Variants in SAE1 observed in about 807,000 individuals in gnomAD.
The protein encoded by SAE1 is SUMO1 activating enzyme subunit 1, also known as SUMO-activating enzyme subunit 1.
SAE1 carries 11 observed loss-of-function variants against 40.6 expected under a neutral mutation model. The observed-to-expected ratio is 0.27, with a 90% CI of 0.17 to 0.45. The LOEUF is 0.45. SAE1 is among the 20% of genes least tolerant of loss of function. The probability of loss-of-function intolerance (pLI) is 1.00; values close to 1 mark genes in which losing one functional copy is unlikely to be tolerated. For missense variants in SAE1, 373 were observed against 427.3 expected (o/e 0.87, Z 1.12); for synonymous variants, 155 against 154.3 (o/e 1.00, Z -0.03).
In SAE1 at chr19:47,175,945, G is replaced by A. The variant is rs374007070; in HGVS notation, c.733+6022G>A. On this transcript the variant is annotated intron_variant, in intron 6 of 8. Transcript: ENST00000270225. ...TTTGAATTGTATTTCTGTTAGATAA[G>A]CATCATAGTAAAAAGTCTTCAAAGT... Among the ~76,000 whole-genome samples, 17 of 152,256 alleles carry A rather than the reference G, an allele frequency of 1.1e-4. No individual in the cohort carries two copies. In the South Asian group the frequency reaches 3.1e-3, roughly 28 times the overall value.
chr19:47,161,544 G>A (rs911208015), intron 5 of SAE1, among the ~76,000 whole-genome samples: 36 of 152,110 alleles, frequency 2.4e-4, no homozygotes, highest in Non-Finnish European at 8.8e-5. Context: ...CCTGGAAGGG[G>A]CAGATACAGC....
chr19:47,163,096 C>T lies in SAE1; in HGVS notation c.628-6722C>T, dbSNP rs115089680. On this transcript the variant is annotated intron_variant, in intron 5 of 8. Coordinates refer to ENST00000270225, the MANE Select transcript of SAE1 (RefSeq NM_005500.3). ...TCCTACTACCAAATGATAACTATAACCTTCCTTTCAGTATTTTTCTATGTA... is the reference window on the plus strand; with the variant it reads ...TCCTACTACCAAATGATAACTATAATCTTCCTTTCAGTATTTTTCTATGTA... Among the ~76,000 whole-genome samples, 562 of 151,952 alleles carry T rather than the reference C, an allele frequency of 3.7e-3. 2 individuals are homozygous for T. Among genetic ancestry groups the T allele is most frequent in the African/African-American group, 0.013 (527 of 41,456 alleles).
intron 8 of SAE1, among the ~76,000 whole-genome samples, chr19:47,206,217 G>A (rs1037544093): frequency 4.6e-5 from 7 of 152,132 alleles, no homozygotes; most frequent in African/African-American, 1.2e-4. Flanking sequence ...TGCATTCTTC[G>A]TTGCTGGGTG....
intron 2 of SAE1, among the ~76,000 whole-genome samples, chr19:47,144,846 T>C (rs2058245346): frequency 6.6e-6 from 1 of 152,166 alleles, no homozygotes; most frequent in African/African-American, 2.4e-5. Flanking sequence ...TTTGTGTGTT[T>C]TTGCGAGACG....
At chr19:47,139,352 AT>A (rs928548546) in intron 1 of SAE1, among the ~76,000 whole-genome samples, 3 of 150,768 alleles carry the variant, frequency 2.0e-5, no homozygotes, top group Non-Finnish European at 4.4e-5. Context: ...CACCCAGCTA[AT>A]TTTTTTTTGT....
chr19:47,153,167 T>C (rs1024470247), intron 4 of SAE1, 127 bp downstream of exon 4: 9 of 821,212 alleles, frequency 1.1e-5, no homozygotes, highest in Non-Finnish European at 1.6e-5. Context: ...GGTCTTGAAC[T>C]CCTGGGCTCA....
At chr19:47,143,083 G>A (rs1363089010) in intron 1 of SAE1, among the ~76,000 whole-genome samples, 2 of 152,174 alleles carry the variant, frequency 1.3e-5, no homozygotes, top group East Asian at 1.9e-4. Flanking sequence ...GAGGTGTGAT[G>A]CCTCAATGCA....
At chr19:47,188,022 C>CT (rs1352778675) in intron 6 of SAE1, among the ~76,000 whole-genome samples, 1 of 152,132 alleles carries the variant, frequency 6.6e-6, no homozygotes, top group African/African-American at 2.4e-5. Flanking sequence ...CAAGCCAGTC[C>CT]TTGTGCTAGT....
chr19:47,169,967 C>G (rs2058420791), intron 6 of SAE1, 44 bp downstream of exon 6: 2 of 1,430,088 alleles, frequency 1.4e-6, no homozygotes, highest in African/African-American at 1.4e-5. Flanking sequence ...GCTTTTGGCT[C>G]TGATTTCTGC....
intron 6 of SAE1, among the ~76,000 whole-genome samples, chr19:47,184,585 A>G (rs2058531974): frequency 6.6e-6 from 1 of 151,534 alleles, no homozygotes; most frequent in Non-Finnish European, 1.5e-5. Context: ...TAGTTTTTGT[A>G]TTTTTAGTAG....
intron 6 of SAE1, among the ~76,000 whole-genome samples, chr19:47,189,864 T>G (rs1156470868): frequency 2.6e-5 from 4 of 152,198 alleles, no homozygotes; most frequent in Admixed American, 2.6e-4. Flanking sequence ...AATAGAAGTT[T>G]ATGTAACAAA....
intron 6 of SAE1, among the ~76,000 whole-genome samples, chr19:47,182,496 T>TGTGTGTGTGCGCGCGC (rs143321323): frequency 6.8e-5 from 10 of 146,044 alleles, no homozygotes; most frequent in Admixed American, 5.5e-4. Flanking sequence ...TGTGTGTGTG[T>TGTGTGTGTGCGCGCGC]GCGCGCACGC....
chr19:47,156,457 G>A (rs754402185), intron 5 of SAE1, among the ~76,000 whole-genome samples: 8 of 150,924 alleles, frequency 5.3e-5, no homozygotes, highest in Non-Finnish European at 8.9e-5. Context: ...CCAGCCTGGC[G>A]ACAGAACGAG....
chr19:47,137,730 G>T (rs138136331), intron 1 of SAE1, among the ~76,000 whole-genome samples: 130 of 106,992 alleles, frequency 1.2e-3, no homozygotes, highest in Non-Finnish European at 1.7e-3. Flanking sequence ...TGTGTGTGTT[G>T]TTTTTTTTTT....
intron 6 of SAE1, among the ~76,000 whole-genome samples, chr19:47,191,944 C>T (rs1430785451): frequency 6.6e-6 from 1 of 151,584 alleles, no homozygotes; most frequent in Non-Finnish European, 1.5e-5. Context: ...GTCCCAGCTA[C>T]TCGGGAGGCT....
chr19:47,176,440 C>G (rs989929492), intron 6 of SAE1, among the ~76,000 whole-genome samples: 8 of 152,236 alleles, frequency 5.3e-5, no homozygotes, highest in African/African-American at 1.9e-4. Context: ...TTTTGTTTCA[C>G]TATTGCCTAA....
chr19:47,135,121 C>T (rs2058170263), intron 1 of SAE1, among the ~76,000 whole-genome samples: 1 of 152,178 alleles, frequency 6.6e-6, no homozygotes, highest in African/African-American at 2.4e-5. Context: ...GTAATAATCA[C>T]ATCAGGGTAA....
chr19:47,160,790 A>G (rs1471049945), intron 5 of SAE1, among the ~76,000 whole-genome samples: 1 of 151,992 alleles, frequency 6.6e-6, no homozygotes, highest in African/African-American at 2.4e-5. Flanking sequence ...CAGCCTCCCA[A>G]AGTGCTGGGA....
intron 6 of SAE1, among the ~76,000 whole-genome samples, chr19:47,188,989 GT>G (rs1466805156): frequency 6.6e-6 from 1 of 152,210 alleles, no homozygotes; most frequent in Non-Finnish European, 1.5e-5. Context: ...CTCCTGTGTA[GT>G]TTTTGTTGAT....
Sources: allele counts gnomAD v4.1 joint callset (sites outside exome capture counted in the v4.1 genomes callset), GRCh38; gene constraint gnomAD v4.1.1; transcripts MANE v1.5; gene names NCBI Gene and HGNC (gene_info 2026-07-23, HGNC 2026-07-21).